Variants in CLEC12A observed in about 807,000 individuals in gnomAD.
CLEC12A encodes the protein C-type lectin domain family 12 member A.
A neutral mutation model predicts 26.5 loss-of-function variants in CLEC12A; 22 were observed. The ratio of observed to expected loss-of-function variants is 0.83; its 90% CI spans 0.59 to 1.19. The LOEUF (loss-of-function observed/expected upper bound fraction) is 1.19, where lower values mean the gene tolerates loss of function less well. Among genes scored for constraint, CLEC12A ranks in the 50% most tolerant of loss-of-function variants. The pLI, the probability that CLEC12A is intolerant of heterozygous loss-of-function variation, is 0.00. For missense variants in CLEC12A, 353 were observed against 315.6 expected, an observed-to-expected ratio of 1.12 and a Z score of -0.90; for synonymous variants, 119 against 101.9, an observed-to-expected ratio of 1.17 and a Z score of -1.01.
intron 5 of CLEC12A, chr12:9,983,633 T>C: frequency 8.1e-6 from 5 of 620,150 alleles, no homozygotes; most frequent in South Asian, 5.6e-5. Flanking sequence ...AGGAGACAGC[T>C]CTGAGTCAAC....
Position 9,995,563 on chromosome 12 carries a change from G to T in CLEC12A, n.1550G>T, listed in dbSNP as rs1355811957. 1.1e-5 allele frequency: 4 copies of T among 354,238 alleles called. No homozygotes were observed. In the East Asian group the frequency reaches 3.0e-4, roughly 26 times the overall value. 21.9% of individuals were successfully genotyped at this position (354,238 alleles called of 1,614,324 possible). A position where few individuals can be genotyped will look rare whatever the true frequency, so the allele number is the denominator to read the frequency against. ...ATAGAATACCAAATATGATTCAAAG[G>T]AATAAATGTAAACAGAGAAAGGAAA... On this transcript the variant is annotated non_coding_transcript_exon_variant, in exon 5 of 5. Coordinates refer to the CLEC12A transcript ENST00000449959.
chr12:9,956,321 C>G (rs74065423), intron 1 of CLEC12A, among the ~76,000 whole-genome samples: 4,046 of 152,234 alleles, frequency 0.027, 181 homozygotes, highest in African/African-American at 0.091. Flanking sequence ...TCAATAAGAA[C>G]ACATCTTCTT....
intron 3 of CLEC12A, 124 bp from the exon 4 acceptor site, chr12:9,980,458 A>T: frequency 1.0e-5 from 10 of 977,004 alleles, no homozygotes; most frequent in Non-Finnish European, 1.5e-5. Flanking sequence ...AGGGGGAAAG[A>T]GAGAAAGAAA....
chr12:9,995,303 A>G (rs1192984157), exon 5 of CLEC12A: 2 of 1,423,616 alleles, frequency 1.4e-6, no homozygotes, highest in African/African-American at 1.4e-5. Context: ...TCTTGGTATG[A>G]TAGACAAAGC....
upstream of CLEC12A, among the ~76,000 whole-genome samples, chr12:9,970,426 TATA>T (rs1382973924): frequency 2.0e-5 from 3 of 152,326 alleles, no homozygotes; most frequent in South Asian, 6.2e-4. Context: ...CTTTCATATG[TATA>T]ATAATAATAC....
intron 1 of CLEC12A, among the ~76,000 whole-genome samples, chr12:9,975,078 C>T (rs2137157925): frequency 6.6e-6 from 1 of 152,260 alleles, no homozygotes; most frequent in East Asian, 1.9e-4. Flanking sequence ...GAGGCCTCTC[C>T]AGCCACATGG....
intron 1 of CLEC12A, among the ~76,000 whole-genome samples, chr12:9,957,015 T>G (rs1000874809): frequency 2.0e-5 from 3 of 152,212 alleles, no homozygotes; most frequent in Non-Finnish European, 4.4e-5. Context: ...TCCCTTGGTT[T>G]TTGTTATCGA....
At chr12:10,005,345 A>G in the CLEC12A span, among the ~76,000 whole-genome samples, 1 of 152,212 alleles carries the variant, frequency 6.6e-6, no homozygotes, top group Non-Finnish European at 1.5e-5. Context: ...TCTTCTGGAC[A>G]GGCTCAAGCA....
chr12:9,999,540 A>G (rs142294279), downstream of CLEC12A, among the ~76,000 whole-genome samples: 1 of 152,338 alleles, frequency 6.6e-6, no homozygotes, highest in Non-Finnish European at 1.5e-5. Flanking sequence ...TATATAGTTT[A>G]TCTCATTGTG....
chr12:9,951,689 G>A (rs945988154), intron 1 of CLEC12A: 1 of 339,344 alleles, frequency 2.9e-6, no homozygotes, highest in Non-Finnish European at 5.7e-6. Flanking sequence ...GCTTATTGTT[G>A]CAGCAGTTAG....
the CLEC12A span, among the ~76,000 whole-genome samples, chr12:10,004,740 G>C: frequency 1.3e-5 from 2 of 151,964 alleles, no homozygotes; most frequent in South Asian, 4.2e-4. Flanking sequence ...GGTGGGGCAC[G>C]TGCCAGGGAA....
chr12:9,992,904 C>G (rs1864925090), intron 4 of CLEC12A: 1 of 404,770 alleles, frequency 2.5e-6, no homozygotes, highest in East Asian at 3.7e-5. Context: ...AAATGAAGGA[C>G]AAGAAGAAAG....
At chr12:10,004,864 C>T in the CLEC12A span, among the ~76,000 whole-genome samples, 32 of 151,928 alleles carry the variant, frequency 2.1e-4, no homozygotes, top group Non-Finnish European at 2.1e-4. Flanking sequence ...ATGCTGCACC[C>T]ATTAACTTGT....
chr12:9,963,171 T>A (rs2137110003), intron 1 of CLEC12A, among the ~76,000 whole-genome samples: 1 of 152,182 alleles, frequency 6.6e-6, no homozygotes, highest in South Asian at 2.1e-4. Flanking sequence ...GACTAAGAAT[T>A]GGGAGGACCT....
At chr12:10,004,914 A>C in the CLEC12A span, among the ~76,000 whole-genome samples, 54,681 of 146,364 alleles carry the variant, frequency 0.37, 10,529 homozygotes, top group African/African-American at 0.41. Flanking sequence ...ATCCCTCCCC[A>C]CTCCCCCGAC....
upstream of CLEC12A, among the ~76,000 whole-genome samples, chr12:9,966,477 A>T (rs543320798): frequency 2.4e-3 from 370 of 152,186 alleles, 1 homozygote; most frequent in Non-Finnish European, 4.2e-3. Flanking sequence ...CTTAGGAGGA[A>T]TCTTGGGCTG....
At chr12:9,984,783 TATC>T in intron 5 of CLEC12A, 84 bp from the exon 6 acceptor site, 1 of 1,206,948 alleles carries the variant, frequency 8.3e-7, no homozygotes, top group Non-Finnish European at 1.1e-6. Flanking sequence ...AGGGCAATAA[TATC>T]ATGTTGGAAG....
chr12:9,960,965 T>C (rs1034600500), intron 1 of CLEC12A, among the ~76,000 whole-genome samples: 2 of 152,188 alleles, frequency 1.3e-5, no homozygotes, highest in African/African-American at 4.8e-5. Flanking sequence ...GAGCCAAATA[T>C]GAGTGACCAT....
At chr12:9,965,240 G>A (rs1435264886) in intron 1 of CLEC12A, among the ~76,000 whole-genome samples, 2 of 152,128 alleles carry the variant, frequency 1.3e-5, no homozygotes, top group Non-Finnish European at 2.9e-5. Context: ...CAGCTCTTGT[G>A]TAAGAATTCT....
Sources: allele counts gnomAD v4.1 joint callset (sites outside exome capture counted in the v4.1 genomes callset), GRCh38; gene constraint gnomAD v4.1.1; transcripts MANE v1.5; gene names NCBI Gene and HGNC (gene_info 2026-07-23, HGNC 2026-07-21).